Variants in RSRC1 observed in about 807,000 individuals in gnomAD.
RSRC1 encodes the protein serine/Arginine-related protein 53.
Under a neutral mutation model 49.1 loss-of-function variants are expected in RSRC1, and 39 were observed. The observed-to-expected ratio is 0.79, with a 90% CI of 0.61 to 1.04. The LOEUF is 1.04. Among genes scored for constraint, RSRC1 ranks in the 50% least tolerant of loss-of-function variants. The probability of loss-of-function intolerance (pLI) is 0.00; values close to 1 mark genes in which losing one functional copy is unlikely to be tolerated. For missense variants in RSRC1, 388 were observed against 402.4 expected (o/e 0.96, Z 0.31); for synonymous variants, 143 against 130.8 (o/e 1.09, Z -0.63).
intron 4 of RSRC1, among the ~76,000 whole-genome samples, chr3:158,223,474 A>G (rs1722336414): frequency 6.6e-6 from 1 of 151,662 alleles, no homozygotes; most frequent in Non-Finnish European, 1.5e-5. Flanking sequence ...TTCAAACTCT[A>G]ATAATTATTA....
chr3:158,261,042 C>G (rs1169023273), intron 4 of RSRC1, among the ~76,000 whole-genome samples: 2 of 152,102 alleles, frequency 1.3e-5, no homozygotes, highest in African/African-American at 4.8e-5. Context: ...TATTGCTTAC[C>G]TGATTTGGGC....
intron 4 of RSRC1, among the ~76,000 whole-genome samples, chr3:158,261,688 C>T (rs1260364747): frequency 6.6e-6 from 1 of 152,166 alleles, no homozygotes; most frequent in Non-Finnish European, 1.5e-5. Context: ...ATTAGATTCT[C>T]ATAGGAGCAT....
intron 1 of RSRC1, among the ~76,000 whole-genome samples, chr3:158,121,084 T>C (rs1340402411): frequency 6.6e-6 from 1 of 151,920 alleles, no homozygotes; most frequent in Non-Finnish European, 1.5e-5. Context: ...GAAAATTATA[T>C]TGCATCATTT....
chr3:158,180,986 A>G (rs1179727427), intron 3 of RSRC1, among the ~76,000 whole-genome samples: 1 of 151,404 alleles, frequency 6.6e-6, no homozygotes, highest in Non-Finnish European at 1.5e-5. Context: ...TTGTATTTTT[A>G]GTAGAGACGG....
intron 6 of RSRC1, among the ~76,000 whole-genome samples, chr3:158,444,539 TA>T (rs35674860): frequency 0.22 from 32,721 of 152,012 alleles, 4,113 homozygotes; most frequent in Non-Finnish European, 0.29. Context: ...ATATTAGACC[TA>T]AAACCATAAA....
At chr3:158,293,133 A>G (rs193169172) in intron 4 of RSRC1, among the ~76,000 whole-genome samples, 1 of 152,208 alleles carries the variant, frequency 6.6e-6, no homozygotes, top group Admixed American at 6.5e-5. Flanking sequence ...TCCCAATGTG[A>G]TATGTGTTAA....
At chr3:158,179,052 C>G (rs1719432379) in intron 3 of RSRC1, among the ~76,000 whole-genome samples, 2 of 152,128 alleles carry the variant, frequency 1.3e-5, no homozygotes, top group South Asian at 4.1e-4. Flanking sequence ...TTTTCCCCCT[C>G]TGGGATTTTC....
intron 6 of RSRC1, among the ~76,000 whole-genome samples, chr3:158,380,174 T>C (rs1377937828): frequency 6.6e-6 from 1 of 152,250 alleles, no homozygotes; most frequent in Non-Finnish European, 1.5e-5. Context: ...GAAGCAATTA[T>C]ATGTCATTTT....
rs1022022653 is a variant in RSRC1 at position 158,284,799 on chromosome 3, T to C, written c.495-13240T>C. Among the ~76,000 whole-genome samples the C allele has an allele frequency of 3.8e-4, 57 of 151,592 alleles. No homozygotes were observed. In the Middle Eastern group the frequency reaches 0.01, roughly 27 times the overall value. ...TTGTAGATTCTGGATATTAGCCCTTTGTCAGATGAGTAGGTTGCGAAAATT... is the reference window on the plus strand; with the variant it reads ...TTGTAGATTCTGGATATTAGCCCTTCGTCAGATGAGTAGGTTGCGAAAATT... On this transcript the variant is annotated intron_variant, in intron 4 of 9. Coordinates refer to ENST00000611884, the MANE Select transcript of RSRC1 (RefSeq NM_001271838.2).
At chr3:158,357,858 C>T (rs1452489298) in intron 6 of RSRC1, among the ~76,000 whole-genome samples, 3 of 152,034 alleles carry the variant, frequency 2.0e-5, no homozygotes, top group South Asian at 2.1e-4. Context: ...AGATTCTTGA[C>T]GCAGGATTAA....
At chr3:158,244,563 G>C (rs550865805) in intron 4 of RSRC1, among the ~76,000 whole-genome samples, 1 of 152,158 alleles carries the variant, frequency 6.6e-6, no homozygotes, top group Non-Finnish European at 1.5e-5. Flanking sequence ...GTTCATCAAG[G>C]ATATTGGCCT....
chr3:158,417,440 C>T (rs565533456), intron 6 of RSRC1, among the ~76,000 whole-genome samples: 11 of 151,870 alleles, frequency 7.2e-5, no homozygotes, highest in Non-Finnish European at 1.6e-4. Flanking sequence ...CAGAAGTTTC[C>T]TACCTCTGTG....
At chr3:158,145,701 G>T (rs1204215525) in intron 3 of RSRC1, among the ~76,000 whole-genome samples, 2 of 152,118 alleles carry the variant, frequency 1.3e-5, no homozygotes, top group Non-Finnish European at 2.9e-5. Flanking sequence ...GGATGGCATT[G>T]AATCTATAAA....
chr3:158,289,876 A>G (rs1320203174), intron 4 of RSRC1, among the ~76,000 whole-genome samples: 1 of 152,112 alleles, frequency 6.6e-6, no homozygotes, highest in Non-Finnish European at 1.5e-5. Flanking sequence ...GGATATCTGT[A>G]GTGTTCTATT....
chr3:158,253,290 G>C (rs999969597), intron 4 of RSRC1, among the ~76,000 whole-genome samples: 1 of 151,638 alleles, frequency 6.6e-6, no homozygotes, highest in Non-Finnish European at 1.5e-5. Flanking sequence ...TTTGTTTCTT[G>C]AAATTTTTTT....
At chr3:158,399,128 T>TAAAGAAAGGAGAAC (rs1578428131) in intron 6 of RSRC1, among the ~76,000 whole-genome samples, 1 of 51,482 alleles carries the variant, frequency 1.9e-5, no homozygotes, top group Admixed American at 2.1e-4. Flanking sequence ...ATTTCCTTTT[T>TAAAGAAAGGAGAAC]TTTTTTTTTT....
At chr3:158,191,375 A>G (rs1258447028) in intron 3 of RSRC1, among the ~76,000 whole-genome samples, 1 of 152,052 alleles carries the variant, frequency 6.6e-6, no homozygotes, top group Non-Finnish European at 1.5e-5. Context: ...TATAGATAGG[A>G]CTTAACTGAA....
intron 3 of RSRC1, among the ~76,000 whole-genome samples, chr3:158,192,948 T>G (rs904681175): frequency 1.1e-4 from 17 of 152,138 alleles, no homozygotes; most frequent in Admixed American, 3.3e-4. Flanking sequence ...ATCAGAATGC[T>G]GCTTTTTCAT....
At chr3:158,185,388 T>C (rs1719869325) in intron 3 of RSRC1, among the ~76,000 whole-genome samples, 3 of 151,978 alleles carry the variant, frequency 2.0e-5, no homozygotes, top group Non-Finnish European at 2.9e-5. Context: ...TTTTGGAAAA[T>C]TGTCATTTTC....
Sources: allele counts gnomAD v4.1 joint callset (sites outside exome capture counted in the v4.1 genomes callset), GRCh38; gene constraint gnomAD v4.1.1; transcripts MANE v1.5; gene names NCBI Gene and HGNC (gene_info 2026-07-23, HGNC 2026-07-21).